CTNNA3: variants seen among roughly 807,000 people sequenced by gnomAD.
CTNNA3 encodes the protein catenin alpha 3, also known as catenin alpha-3.
A neutral mutation model predicts 95.7 loss-of-function variants in CTNNA3; 76 were observed. That is an observed-to-expected ratio of 0.79 (90% CI 0.66 to 0.96). CTNNA3 has a LOEUF of 0.96. Ranked by LOEUF, CTNNA3 falls within the 40% of genes least tolerant of loss-of-function variation. The probability of loss-of-function intolerance (pLI) is 0.00; values close to 1 mark genes in which losing one functional copy is unlikely to be tolerated. For synonymous variants in CTNNA3, 431 were observed against 374.4 expected (o/e 1.15, Z -1.74); for missense variants, 1,191 against 1,089.8 (o/e 1.09, Z -1.31).
intron 5 of CTNNA3, among the ~76,000 whole-genome samples, chr10:67,251,833 C>A (rs1391350120): frequency 3.3e-5 from 5 of 152,102 alleles, no homozygotes; most frequent in African/African-American, 1.2e-4. Context: ...GCAGTATTAA[C>A]GTAAACACAG....
At chr10:66,421,168 T>C (rs573629240) in intron 11 of CTNNA3, among the ~76,000 whole-genome samples, 17 of 151,594 alleles carry the variant, frequency 1.1e-4, no homozygotes, top group African/African-American at 3.2e-4. Context: ...AGACAAATTA[T>C]TGCATATTCT....
intron 11 of CTNNA3, among the ~76,000 whole-genome samples, chr10:66,497,512 G>A (rs553621155): frequency 2.0e-5 from 3 of 152,026 alleles, no homozygotes; most frequent in Non-Finnish European, 2.9e-5. Context: ...ACACTGTATA[G>A]GGCTAATTTT....
At chr10:67,047,921 A>G (rs1184873535) in intron 7 of CTNNA3, among the ~76,000 whole-genome samples, 1 of 152,062 alleles carries the variant, frequency 6.6e-6, no homozygotes. Flanking sequence ...TGGGTGTTAA[A>G]AGATAATCTT....
chr10:66,461,969 C>T (rs899163204), intron 11 of CTNNA3, among the ~76,000 whole-genome samples: 5 of 151,600 alleles, frequency 3.3e-5, no homozygotes, highest in African/African-American at 1.2e-4. Context: ...CGTGCCACCA[C>T]ACCCGGCTAA....
intron 11 of CTNNA3, among the ~76,000 whole-genome samples, chr10:66,443,601 G>T (rs1564968122): frequency 6.6e-6 from 1 of 152,176 alleles, no homozygotes; most frequent in Non-Finnish European, 1.5e-5. Context: ...CAACAAACCT[G>T]CATCTGAGGG....
intron 11 of CTNNA3, among the ~76,000 whole-genome samples, chr10:66,520,397 G>A (rs930614266): frequency 2.0e-5 from 3 of 151,200 alleles, no homozygotes; most frequent in South Asian, 2.1e-4. Context: ...GATTACAGAC[G>A]TGAGCCATGA....
At position 66,443,024 on chromosome 10, in the gene CTNNA3, C is replaced by T. The variant is rs182238576; in HGVS notation, c.1532-63672G>A. On this transcript the variant is annotated intron_variant, in intron 11 of 17. Transcript: ENST00000433211. ...AGGAGATTATATCCCGCATATGGCT[C>T]AGAGGGTCCTATGCCCACAGAGTCT... Among the ~76,000 whole-genome samples the T allele has an allele frequency of 2.0e-5, 3 of 152,268 alleles. No homozygotes were observed. The East Asian group carries it at 5.8e-4, about 30-fold the overall frequency.
chr10:66,208,816 A>C (rs1294033545), intron 13 of CTNNA3, among the ~76,000 whole-genome samples: 1 of 152,032 alleles, frequency 6.6e-6, no homozygotes, highest in Admixed American at 6.6e-5. Context: ...TTCTCACATA[A>C]GTACCACTGT....
intron 9 of CTNNA3, among the ~76,000 whole-genome samples, chr10:66,754,488 A>G (rs1839287515): frequency 6.6e-6 from 1 of 152,188 alleles, no homozygotes; most frequent in Non-Finnish European, 1.5e-5. Context: ...CAAATGCACA[A>G]ATGACAAAAG....
chr10:66,412,413 T>C (rs758384815), intron 11 of CTNNA3, among the ~76,000 whole-genome samples: 2 of 150,480 alleles, frequency 1.3e-5, no homozygotes, highest in Non-Finnish European at 3.0e-5. Flanking sequence ...CACAGAAAGA[T>C]AGCTTAAAAA....
chr10:67,333,609 A>G (rs1841879562), intron 5 of CTNNA3, among the ~76,000 whole-genome samples: 1 of 152,208 alleles, frequency 6.6e-6, no homozygotes, highest in Non-Finnish European at 1.5e-5. Context: ...AAATTGAATA[A>G]GGCTGATTCT....
chr10:67,282,955 A>T (rs1387004657), intron 5 of CTNNA3, among the ~76,000 whole-genome samples: 1 of 152,198 alleles, frequency 6.6e-6, no homozygotes, highest in South Asian at 2.1e-4. Flanking sequence ...CAGCCTTAGA[A>T]ACCTAAAAAT....
At chr10:66,997,748 G>T (rs527856608) in intron 7 of CTNNA3, among the ~76,000 whole-genome samples, 84 of 152,124 alleles carry the variant, frequency 5.5e-4, no homozygotes, top group African/African-American at 2.0e-3. Flanking sequence ...TAAGAGAATT[G>T]TTCCCCAGGC....
chr10:66,681,084 C>T (rs1163582483), intron 9 of CTNNA3, among the ~76,000 whole-genome samples: 1 of 152,154 alleles, frequency 6.6e-6, no homozygotes, highest in Non-Finnish European at 1.5e-5. Context: ...ACAGTTTGTG[C>T]CATGGCTGGA....
chr10:66,225,390 AATATATATATATATATATATAT>A (rs3053735), intron 13 of CTNNA3, among the ~76,000 whole-genome samples: 1 of 125,980 alleles, frequency 7.9e-6, no homozygotes, highest in African/African-American at 3.1e-5. Context: ...ATTTTATTCA[AATATATATATATATATATATAT>A]ATATATATAT....
At chr10:66,978,552 A>AATATATATAT (rs1554890349) in intron 7 of CTNNA3, among the ~76,000 whole-genome samples, 859 of 37,796 alleles carry the variant, frequency 0.023, 24 homozygotes, top group Non-Finnish European at 0.026. Context: ...AAAAAAAAAA[A>AATATATATAT]ATATATATAT....
At chr10:66,386,968 T>G (rs929766004) in intron 11 of CTNNA3, among the ~76,000 whole-genome samples, 1 of 152,114 alleles carries the variant, frequency 6.6e-6, no homozygotes, top group African/African-American at 2.4e-5. Context: ...AAGACTTAAA[T>G]GTTAGACCTA....
intron 7 of CTNNA3, among the ~76,000 whole-genome samples, chr10:66,909,907 T>A (rs750786319): frequency 3.3e-5 from 5 of 152,192 alleles, no homozygotes; most frequent in Non-Finnish European, 5.9e-5. Flanking sequence ...ATCCATTATC[T>A]GTTAAAAGTA....
intron 11 of CTNNA3, among the ~76,000 whole-genome samples, chr10:66,466,352 A>G (rs183385079): frequency 6.7e-6 from 1 of 150,026 alleles, no homozygotes; most frequent in Non-Finnish European, 1.5e-5. Flanking sequence ...ACACACACAC[A>G]CACACACACA....
Sources: allele counts gnomAD v4.1 joint callset (sites outside exome capture counted in the v4.1 genomes callset), GRCh38; gene constraint gnomAD v4.1.1; transcripts MANE v1.5; gene names NCBI Gene and HGNC (gene_info 2026-07-23, HGNC 2026-07-21).